The following HS3ST5 variants were observed in gnomAD, a reference collection of about 807,000 sequenced individuals.
HS3ST5 encodes heparan sulfate-glucosamine 3-sulfotransferase 5, also known as heparan sulfate glucosamine 3-O-sulfotransferase 5.
HS3ST5 carries 10 observed loss-of-function variants against 25.4 expected under a neutral mutation model. The observed-to-expected ratio is 0.39, with a 90% CI of 0.24 to 0.67. The LOEUF (loss-of-function observed/expected upper bound fraction) is 0.67, where lower values mean the gene tolerates loss of function less well. HS3ST5 is among the 30% of genes least tolerant of loss of function. The pLI, the probability that HS3ST5 is intolerant of heterozygous loss-of-function variation, is 0.44. For missense variants in HS3ST5, 324 were observed against 420.7 expected, an observed-to-expected ratio of 0.77 and a Z score of 2.01; for synonymous variants, 170 against 162.4, an observed-to-expected ratio of 1.05 and a Z score of -0.36.
intron 2 of HS3ST5, among the ~76,000 whole-genome samples, chr6:114,170,352 T>C (rs1779419251): frequency 6.6e-6 from 1 of 152,152 alleles, no homozygotes; most frequent in African/African-American, 2.4e-5. Context: ...TTCCTCAATC[T>C]TGAAGTTGTA....
chr6:114,336,190 C>G (rs182584575), intron 1 of HS3ST5, among the ~76,000 whole-genome samples: 1 of 152,204 alleles, frequency 6.6e-6, no homozygotes, highest in African/African-American at 2.4e-5. Context: ...GTGGTGATGA[C>G]AGCAGTATCA....
intron 2 of HS3ST5, among the ~76,000 whole-genome samples, chr6:114,177,021 C>T (rs1340309418): frequency 6.6e-6 from 1 of 152,168 alleles, no homozygotes; most frequent in Non-Finnish European, 1.5e-5. Context: ...ATTCTTAGTC[C>T]TTTCACCAGG....
chr6:114,084,606 G>C, intron 3 of HS3ST5: 1 of 782,900 alleles, frequency 1.3e-6, no homozygotes, highest in Non-Finnish European at 2.3e-6. Flanking sequence ...GAGGAGAATT[G>C]TTACAGAGCA....
chr6:114,239,496 A>G (rs1366757440), intron 1 of HS3ST5, among the ~76,000 whole-genome samples: 3 of 152,202 alleles, frequency 2.0e-5, no homozygotes, highest in Non-Finnish European at 4.4e-5. Context: ...GAGGTAAACA[A>G]TAAGCATACA....
intron 3 of HS3ST5, among the ~76,000 whole-genome samples, chr6:114,161,524 TATATATATATATATATATA>T: frequency 6.1e-5 from 1 of 16,284 alleles, no homozygotes; most frequent in Non-Finnish European, 1.1e-4. Flanking sequence ...TGAAGTTTTA[TATATATATATATATATATA>T]TATATATATA....
At chr6:114,115,016 G>A (rs1275426533) in intron 3 of HS3ST5, among the ~76,000 whole-genome samples, 1 of 152,086 alleles carries the variant, frequency 6.6e-6, no homozygotes, top group African/African-American at 2.4e-5. Flanking sequence ...TCCTGGTCCC[G>A]AAATCAAGTG....
rs562824885 is a variant in HS3ST5, at chr6:114,285,864, C to T, written c.-339+56331G>A. Among the ~76,000 whole-genome samples, 3 of 151,868 alleles carry T rather than the reference C, an allele frequency of 2.0e-5. No individual in the cohort carries two copies. In the South Asian group the frequency reaches 6.3e-4, roughly 32 times the overall value. On this transcript the variant is annotated intron_variant, in intron 1 of 4. Coordinates refer to ENST00000312719, the MANE Select transcript of HS3ST5 (RefSeq NM_153612.4). ...AAATTATAGTACATTTAATTATGAA[C>T]CTTCATGAAGCCATCGCAAATAGTG...
chr6:114,285,514 G>A (rs952543976), intron 1 of HS3ST5, among the ~76,000 whole-genome samples: 4 of 152,014 alleles, frequency 2.6e-5, no homozygotes, highest in African/African-American at 9.7e-5. Context: ...GAAAATTTCT[G>A]CCATATGTGT....
chr6:114,285,834 TA>T (rs1562264060), intron 1 of HS3ST5, among the ~76,000 whole-genome samples: 1 of 151,844 alleles, frequency 6.6e-6, no homozygotes, highest in East Asian at 1.9e-4. Context: ...AAATAAAATT[TA>T]AAAAAATTAT....
intron 1 of HS3ST5, among the ~76,000 whole-genome samples, chr6:114,280,569 T>G (rs1774063190): frequency 6.6e-6 from 1 of 152,048 alleles, no homozygotes; most frequent in African/African-American, 2.4e-5. Flanking sequence ...AATGTTAAAC[T>G]ATTAAGTTAC....
intron 1 of HS3ST5, among the ~76,000 whole-genome samples, chr6:114,326,527 T>C (rs553783134): frequency 1.3e-3 from 195 of 152,344 alleles, no homozygotes; most frequent in Non-Finnish European, 2.4e-3. Flanking sequence ...TACCAATTTA[T>C]GAACTAGCAC....
chr6:114,097,545 A>G (rs991368059), intron 3 of HS3ST5, among the ~76,000 whole-genome samples: 1 of 151,926 alleles, frequency 6.6e-6, no homozygotes, highest in African/African-American at 2.4e-5. Flanking sequence ...TCCGTGTTGC[A>G]TATTTCTTAT....
intron 2 of HS3ST5, among the ~76,000 whole-genome samples, chr6:114,171,335 A>G (rs1200787747): frequency 6.6e-6 from 1 of 152,194 alleles, no homozygotes; most frequent in Non-Finnish European, 1.5e-5. Flanking sequence ...TTTAACTTGT[A>G]TTTAAACAAA....
intron 3 of HS3ST5, among the ~76,000 whole-genome samples, chr6:114,095,931 A>G (rs1308105934): frequency 2.0e-5 from 3 of 152,100 alleles, no homozygotes; most frequent in African/African-American, 7.2e-5. Flanking sequence ...AATGATACTA[A>G]TCATTTACAG....
chr6:114,227,843 C>T (rs919206702), intron 2 of HS3ST5, among the ~76,000 whole-genome samples: 5 of 151,850 alleles, frequency 3.3e-5, no homozygotes, highest in South Asian at 2.1e-4. Flanking sequence ...AAACATTACA[C>T]GAAACAGAGC....
chr6:114,324,749 T>A (rs1055355680), intron 1 of HS3ST5, among the ~76,000 whole-genome samples: 49 of 152,208 alleles, frequency 3.2e-4, no homozygotes, highest in African/African-American at 1.1e-3. Context: ...AAGCAGACAT[T>A]CAACCAACAT....
At chr6:114,292,721 G>C (rs1774635384) in intron 1 of HS3ST5, among the ~76,000 whole-genome samples, 1 of 152,104 alleles carries the variant, frequency 6.6e-6, no homozygotes. Context: ...GTATCCACAG[G>C]GGATTTGTTC....
chr6:114,235,148 C>T (rs1771795446), intron 1 of HS3ST5, among the ~76,000 whole-genome samples: 1 of 151,978 alleles, frequency 6.6e-6, no homozygotes, highest in South Asian at 2.1e-4. Context: ...ACAACAAAAG[C>T]CCCCAAAAGA....
chr6:114,100,862 C>T (rs563696096), intron 3 of HS3ST5, among the ~76,000 whole-genome samples: 6 of 152,270 alleles, frequency 3.9e-5, no homozygotes, highest in East Asian at 1.9e-4. Context: ...TCTATAGGTA[C>T]GATCTCACAG....
Sources: allele counts gnomAD v4.1 joint callset (sites outside exome capture counted in the v4.1 genomes callset), GRCh38; gene constraint gnomAD v4.1.1; transcripts MANE v1.5; gene names NCBI Gene and HGNC (gene_info 2026-07-23, HGNC 2026-07-21).